The following NXPE4 variants were observed in gnomAD, a reference collection of about 807,000 sequenced individuals.
NXPE4 encodes neurexophilin and PC-esterase domain family member 4.
NXPE4 carries 42 observed loss-of-function variants against 33.3 expected under a neutral mutation model. The observed-to-expected ratio is 1.26, with a 90% confidence interval of 0.98 to 1.63. The LOEUF is 1.63. NXPE4 is among the 40% of genes most tolerant of loss of function. NXPE4 has a pLI of 0.00. For missense variants in NXPE4, 709 were observed against 647.6 expected, an observed-to-expected ratio of 1.09 and a Z score of -1.03; for synonymous variants, 253 against 234.9, an observed-to-expected ratio of 1.08 and a Z score of -0.71.
At chr11:114,632,013 T>C in the NXPE4 span, among the ~76,000 whole-genome samples, 164 of 147,642 alleles carry the variant, frequency 1.1e-3, no homozygotes, top group African/African-American at 3.8e-3. Flanking sequence ...TATTACCTAA[T>C]AGATAATAAT....
chr11:114,620,469 G>T, the NXPE4 span, among the ~76,000 whole-genome samples: 1 of 152,106 alleles, frequency 6.6e-6, no homozygotes, highest in Non-Finnish European at 1.5e-5. Context: ...TGCCTCTAGG[G>T]TAACCACTGT....
chr11:114,668,883 T>C, the NXPE4 span, among the ~76,000 whole-genome samples: 27 of 152,056 alleles, frequency 1.8e-4, no homozygotes, highest in African/African-American at 5.1e-4. Context: ...CAACCAAAGG[T>C]ATACAATAAA....
the NXPE4 span, among the ~76,000 whole-genome samples, chr11:114,626,869 A>G: frequency 1.5e-4 from 23 of 152,180 alleles, 2 homozygotes; most frequent in Admixed American, 1.4e-3. Flanking sequence ...CTACGTGAAG[A>G]ATGCAGAAGC....
At chr11:114,577,044 GTTATATATATATACATATATATATA>G (rs1949017558) in intron 5 of NXPE4, among the ~76,000 whole-genome samples, 1 of 25,740 alleles carries the variant, frequency 3.9e-5, no homozygotes, top group African/African-American at 1.9e-4. Context: ...TATATATAAA[GTTATATATATATACATATATATATA>G]TAAAGTTATA....
At chr11:114,604,399 A>C in the NXPE4 span, among the ~76,000 whole-genome samples, 1 of 141,746 alleles carries the variant, frequency 7.1e-6, no homozygotes, top group Non-Finnish European at 1.6e-5. Context: ...CTGTTACATG[A>C]TGGATAGTAA....
chr11:114,638,335 C>G, the NXPE4 span, among the ~76,000 whole-genome samples: 9 of 151,974 alleles, frequency 5.9e-5, no homozygotes, highest in Non-Finnish European at 7.4e-5. Context: ...AAGCACTTCT[C>G]TGTATTGGTT....
chr11:114,585,609 GTATA>G (rs1180473706), intron 2 of NXPE4, among the ~76,000 whole-genome samples: 3 of 151,622 alleles, frequency 2.0e-5, no homozygotes, highest in African/African-American at 7.3e-5. Flanking sequence ...GTGTGTGTGT[GTATA>G]TATATGTATA....
At chr11:114,586,255 C>T (rs1949295172) in intron 2 of NXPE4, among the ~76,000 whole-genome samples, 1 of 152,198 alleles carries the variant, frequency 6.6e-6, no homozygotes, top group African/African-American at 2.4e-5. Flanking sequence ...CTTAAACTCA[C>T]TCCTTGTATG....
At chr11:114,608,792 G>T in the NXPE4 span, among the ~76,000 whole-genome samples, 1 of 147,194 alleles carries the variant, frequency 6.8e-6, no homozygotes, top group Non-Finnish European at 1.5e-5. Flanking sequence ...GTTACCCTGT[G>T]GAAAATAAGT....
chr11:114,657,386 C>T, the NXPE4 span, among the ~76,000 whole-genome samples: 4 of 152,134 alleles, frequency 2.6e-5, no homozygotes, highest in Non-Finnish European at 5.9e-5. Context: ...TGAAGTTCAG[C>T]ATTTTCTCTA....
the NXPE4 span, among the ~76,000 whole-genome samples, chr11:114,648,331 T>C: frequency 6.6e-6 from 1 of 152,152 alleles, no homozygotes; most frequent in African/African-American, 2.4e-5. Context: ...GAAGAGCCAA[T>C]GTTTTGGTTC....
At chr11:114,660,708 A>T in the NXPE4 span, among the ~76,000 whole-genome samples, 3 of 152,106 alleles carry the variant, frequency 2.0e-5, no homozygotes, top group African/African-American at 7.2e-5. Flanking sequence ...AAAAATCAAT[A>T]ATGTTCAATC....
chr11:114,606,159 G>T, the NXPE4 span, among the ~76,000 whole-genome samples: 4 of 151,816 alleles, frequency 2.6e-5, no homozygotes, highest in Non-Finnish European at 5.9e-5. Context: ...TTACCTGGTG[G>T]ATAATAAGTA....
chr11:114,657,598 T>A, the NXPE4 span, among the ~76,000 whole-genome samples: 2 of 152,152 alleles, frequency 1.3e-5, no homozygotes, highest in African/African-American at 4.8e-5. Flanking sequence ...AGGATGTATA[T>A]TTATATATCA....
In NXPE4 at chr11:114,570,942, C is replaced by G. The variant is rs374027672; in HGVS notation, c.1631G>C (p.Cys544Ser). The G allele has an allele frequency of 5.7e-6, 9 of 1,568,744 alleles. No homozygotes were observed. Among genetic ancestry groups the G allele is most frequent in the Non-Finnish European group, 7.8e-6 (9 of 1,155,984 alleles). ...NQINILLNYI[C>S] ...AATTTCAGACTTTTGTGTTATTTAA[C>G]AAATATAGTTTAATAATATATTAAT... The change falls in exon 6 of 6, where the codon TGT (cysteine) becomes TCT (serine). Residue 544 changes from cysteine (C) to serine (S), a missense_variant. By Grantham distance (112) the Cys-to-Ser change is moderately radical. Transcript: ENST00000375478.
intron 2 of NXPE4, among the ~76,000 whole-genome samples, chr11:114,586,161 C>T (rs941824145): frequency 6.6e-6 from 1 of 152,178 alleles, no homozygotes; most frequent in African/African-American, 2.4e-5. Flanking sequence ...TCCTGCACTT[C>T]ACTGTGGACC....
chr11:114,644,250 T>TCGAA, the NXPE4 span, among the ~76,000 whole-genome samples: 1 of 152,182 alleles, frequency 6.6e-6, no homozygotes, highest in Admixed American at 6.6e-5. Flanking sequence ...CTTTATTTCT[T>TCGAA]TCTCTTGCCT....
At chr11:114,665,555 A>C in the NXPE4 span, among the ~76,000 whole-genome samples, 1 of 152,204 alleles carries the variant, frequency 6.6e-6, no homozygotes, top group African/African-American at 2.4e-5. Flanking sequence ...AAATATTTCA[A>C]CAACTTCTCT....
chr11:114,582,084 C>T (rs1009648885), intron 3 of NXPE4, among the ~76,000 whole-genome samples: 3 of 151,888 alleles, frequency 2.0e-5, no homozygotes, highest in African/African-American at 7.3e-5. Flanking sequence ...TATTTTTTTC[C>T]CATTGATAAG....
Sources: gnomAD v4.1 joint callset for allele counts (sites outside exome capture counted in the v4.1 genomes callset) on GRCh38, gnomAD v4.1.1 for gene constraint, MANE v1.5 for transcripts, NCBI Gene and HGNC (gene_info 2026-07-23, HGNC 2026-07-21) for gene names.